GAS7: variants seen among roughly 807,000 people sequenced by gnomAD.
GAS7 encodes the protein growth arrest specific 7.
A neutral mutation model predicts 71.1 loss-of-function variants in GAS7; 28 were observed. That is an observed-to-expected ratio of 0.39 (90% CI 0.29 to 0.54). The LOEUF (loss-of-function observed/expected upper bound fraction) is 0.54, where lower values mean the gene tolerates loss of function less well. GAS7 is among the 20% of genes least tolerant of loss of function. The pLI is 0.62. For missense variants in GAS7, 436 were observed against 627.8 expected (o/e 0.69, Z 3.27); for synonymous variants, 258 against 245.8 (o/e 1.05, Z -0.46).
chr17:10,006,242 A>C (rs1177419725), intron 2 of GAS7, among the ~76,000 whole-genome samples: 1 of 151,510 alleles, frequency 6.6e-6, no homozygotes, highest in Non-Finnish European at 1.5e-5. Context: ...TGAAGGCAGG[A>C]ATGCTGTTCA....
chr17:9,950,437 G>C (rs1336491419), intron 5 of GAS7, among the ~76,000 whole-genome samples: 4 of 152,148 alleles, frequency 2.6e-5, no homozygotes, highest in Admixed American at 2.6e-4. Flanking sequence ...TCTTGAGCCT[G>C]GGAGGTTGAG....
intron 1 of GAS7, among the ~76,000 whole-genome samples, chr17:10,060,916 T>G (rs1338835951): frequency 2.0e-5 from 3 of 152,184 alleles, no homozygotes. Context: ...TGGGTTGTCA[T>G]GACGGAGGTG....
chr17:10,079,269 T>A (rs956627739), intron 1 of GAS7, among the ~76,000 whole-genome samples: 5 of 152,114 alleles, frequency 3.3e-5, no homozygotes, highest in Admixed American at 6.5e-5. Flanking sequence ...AAAATAAACA[T>A]AAACACTGTA....
At chr17:10,077,993 G>C (rs1227299042) in intron 1 of GAS7, among the ~76,000 whole-genome samples, 2 of 152,026 alleles carry the variant, frequency 1.3e-5, no homozygotes, top group African/African-American at 2.4e-5. Flanking sequence ...AAACAGACCT[G>C]ATAGATTATT....
intron 1 of GAS7, among the ~76,000 whole-genome samples, chr17:10,131,692 C>T (rs1427301833): frequency 6.6e-6 from 1 of 152,186 alleles, no homozygotes; most frequent in African/African-American, 2.4e-5. Flanking sequence ...TACATGTACT[C>T]ATGAACATAT....
chr17:10,198,427 C>A lies in GAS7; in HGVS notation c.-37G>T. ...CCGGGTTCACAGCGCAGCCTGCATT[C>A]CCGCCGAGCCCCACGGGCTGGGCAG... On this transcript the variant is annotated 5_prime_UTR_variant, in exon 1 of 14. Coordinates refer to ENST00000432992, the MANE Select transcript of GAS7 (RefSeq NM_201433.2). 1 of 1,446,570 alleles carries A rather than the reference C, an allele frequency of 6.9e-7. No homozygotes were observed. The highest frequency in any genetic ancestry group is 1.4e-5 in the South Asian group (1 of 73,670). The allele number at this position is 1,446,570 out of a possible 1,614,324, so 89.6% of individuals were successfully genotyped here. A position where few individuals can be genotyped will look rare whatever the true frequency, so the allele number is the denominator to read the frequency against.
At chr17:10,172,126 T>C (rs991021412) in intron 1 of GAS7, among the ~76,000 whole-genome samples, 2 of 152,212 alleles carry the variant, frequency 1.3e-5, no homozygotes, top group Admixed American at 1.3e-4. Context: ...GTTTGGATTC[T>C]AATATCTGCC....
chr17:10,153,600 G>T (rs1307300286), intron 1 of GAS7, among the ~76,000 whole-genome samples: 4 of 151,746 alleles, frequency 2.6e-5, no homozygotes, highest in African/African-American at 9.7e-5. Context: ...GAAATGAGTA[G>T]AAGAATAAAA....
intron 4 of GAS7, among the ~76,000 whole-genome samples, chr17:9,960,983 C>T (rs2069466846): frequency 6.6e-6 from 1 of 152,158 alleles, no homozygotes; most frequent in Non-Finnish European, 1.5e-5. Flanking sequence ...TCAGAATCAA[C>T]TGAGGAAAAA....
At chr17:10,115,879 G>A (rs76818834) in intron 1 of GAS7, among the ~76,000 whole-genome samples, 7,137 of 152,128 alleles carry the variant, frequency 0.047, 234 homozygotes, top group Non-Finnish European at 0.068. Flanking sequence ...AGTGAGGCAC[G>A]CTGTCCCTGG....
At chr17:10,154,169 G>T (rs1164358335) in intron 1 of GAS7, among the ~76,000 whole-genome samples, 1 of 151,986 alleles carries the variant, frequency 6.6e-6, no homozygotes, top group East Asian at 1.9e-4. Flanking sequence ...TGTAGTCTTT[G>T]ATTAAAATAT....
chr17:10,084,749 G>A lies in GAS7; in HGVS notation c.184-64852C>T, dbSNP rs146237424. 2.1e-3 allele frequency among the ~76,000 whole-genome samples: 322 copies of A among 152,326 alleles called. 2 individuals carry two copies. Among genetic ancestry groups the A allele is most frequent in the African/African-American group, 7.4e-3 (307 of 41,574 alleles). ...CCCAAAATGCTGGGATTACAGGCGT[G>A]AGCCCCCGTGCCCGGCCCCTTTCCC... On this transcript the variant is annotated intron_variant, in intron 1 of 13. Coordinates refer to ENST00000432992, the MANE Select transcript of GAS7 (RefSeq NM_201433.2).
chr17:10,017,323 C>CTTTTTT (rs1209394276), intron 2 of GAS7, among the ~76,000 whole-genome samples: 4 of 142,052 alleles, frequency 2.8e-5, no homozygotes, highest in African/African-American at 2.6e-5. Flanking sequence ...TCATCTTCCA[C>CTTTTTT]TTTTTTTTTT....
At chr17:10,149,417 C>T (rs2074147279) in intron 1 of GAS7, among the ~76,000 whole-genome samples, 2 of 152,134 alleles carry the variant, frequency 1.3e-5, no homozygotes, top group African/African-American at 4.8e-5. Context: ...TTTGAAATAA[C>T]ATATCTCACC....
rs7223945 is a variant in GAS7, at chr17:9,969,901, C to G, written c.386-139G>C. 3.2e-6 allele frequency: 2 copies of G among 616,548 alleles called. No individual in the cohort carries two copies. The highest frequency in any genetic ancestry group is 2.8e-5 in the East Asian group (1 of 35,964). 38.2% of individuals were successfully genotyped at this position (616,548 alleles called of 1,614,324 possible). On this transcript the variant is annotated intron_variant, in intron 3 of 13. Coordinates refer to ENST00000432992, the MANE Select transcript of GAS7 (RefSeq NM_201433.2). The surrounding 1 kb of genome is among the most constrained non-coding windows in gnomAD (Gnocchi z 5.5). ...CGTGGCGAAGACCATCCCTCAGGAT[C>G]TGATCTTATCTGTATCTGCAGAGCT... is the stretch of plus-strand genomic sequence containing the variant.
rs115473773 is a variant in GAS7, at chr17:10,004,444, C to T, written c.304+15333G>A. Among the ~76,000 whole-genome samples the T allele has an allele frequency of 3.2e-3, 483 of 152,254 alleles. 7 individuals are homozygous for T. The highest frequency in any genetic ancestry group is 0.011 in the African/African-American group (458 of 41,526). ...CTGGTTATGTCCATCCAGACAGATC[C>T]TCCCTGTAGCCCAAAACTTCCCGCC... On this transcript the variant is annotated intron_variant, in intron 2 of 13. Coordinates refer to ENST00000432992, the MANE Select transcript of GAS7 (RefSeq NM_201433.2).
At chr17:9,989,005 C>T (rs62065764) in intron 2 of GAS7, among the ~76,000 whole-genome samples, 29,124 of 152,010 alleles carry the variant, frequency 0.19, 3,108 homozygotes, top group Middle Eastern at 0.29. Flanking sequence ...CCTGCCACCA[C>T]GCCCGGCTAA....
chr17:10,192,419 T>C (rs2074509431), intron 1 of GAS7, among the ~76,000 whole-genome samples: 1 of 152,170 alleles, frequency 6.6e-6, no homozygotes, highest in Non-Finnish European at 1.5e-5. Context: ...GTTTCCTGGT[T>C]TACCAAAAAA....
chr17:10,136,418 C>T (rs183379362), intron 1 of GAS7, among the ~76,000 whole-genome samples: 50 of 152,330 alleles, frequency 3.3e-4, no homozygotes, highest in African/African-American at 1.2e-3. Flanking sequence ...TCCGCATCAA[C>T]GGTGCTGTGG....
Sources: allele counts gnomAD v4.1 joint callset (sites outside exome capture counted in the v4.1 genomes callset), GRCh38; gene constraint gnomAD v4.1.1; non-coding constraint Gnocchi (gnomAD v3.1); transcripts MANE v1.5; gene names NCBI Gene and HGNC (gene_info 2026-07-23, HGNC 2026-07-21).